SLC6A11: variants seen among roughly 807,000 people sequenced by gnomAD.
SLC6A11 encodes the protein solute carrier family 6 member 11.
SLC6A11 carries 25 observed loss-of-function variants against 74.8 expected under a neutral mutation model. The observed-to-expected ratio is 0.33, with a 90% CI of 0.24 to 0.47. The LOEUF is 0.47. Ranked by LOEUF, SLC6A11 falls within the 20% of genes least tolerant of loss-of-function variation. The pLI, the probability that SLC6A11 is intolerant of heterozygous loss-of-function variation, is 1.00. For synonymous variants in SLC6A11, 330 were observed against 330.2 expected, an observed-to-expected ratio of 1.00 and a Z score of 0.01; for missense variants, 574 against 837.0, an observed-to-expected ratio of 0.69 and a Z score of 3.88.
intron 4 of SLC6A11, among the ~76,000 whole-genome samples, chr3:10,831,863 G>A (rs931041189): frequency 6.6e-5 from 10 of 152,050 alleles, no homozygotes; most frequent in Admixed American, 2.6e-4. Context: ...CCTATAGGCC[G>A]GCAGAAATAT....
intron 9 of SLC6A11, among the ~76,000 whole-genome samples, chr3:10,928,472 C>T (rs372591061): frequency 4.0e-4 from 61 of 152,154 alleles, no homozygotes; most frequent in African/African-American, 1.3e-3. Flanking sequence ...AGGGGGTGGT[C>T]GGTATCTTAG....
At chr3:10,859,846 T>G (rs535164734) in intron 5 of SLC6A11, among the ~76,000 whole-genome samples, 1 of 152,326 alleles carries the variant, frequency 6.6e-6, no homozygotes, top group East Asian at 1.9e-4. Context: ...CACTTCCAAT[T>G]AATCTACTAT....
At chr3:10,922,373 TAATC>T (rs1464471121) in intron 8 of SLC6A11, among the ~76,000 whole-genome samples, 1 of 152,120 alleles carries the variant, frequency 6.6e-6, no homozygotes, top group Non-Finnish European at 1.5e-5. Flanking sequence ...CAATATAAAA[TAATC>T]AAGAAAATAG....
intron 6 of SLC6A11, among the ~76,000 whole-genome samples, chr3:10,875,398 C>T (rs1291298058): frequency 6.6e-6 from 1 of 152,184 alleles, no homozygotes; most frequent in Non-Finnish European, 1.5e-5. Flanking sequence ...GATTTTAAAG[C>T]AGCAATGAGC....
intron 6 of SLC6A11, among the ~76,000 whole-genome samples, chr3:10,881,584 G>A (rs549418199): frequency 6.6e-6 from 1 of 152,330 alleles, no homozygotes; most frequent in South Asian, 2.1e-4. Context: ...GTGGCTCTGT[G>A]AAGGGCCAGC....
chr3:10,850,345 T>C (rs7631448), intron 5 of SLC6A11, among the ~76,000 whole-genome samples: 100,742 of 152,164 alleles, frequency 0.66, 35,288 homozygotes, highest in African/African-American at 0.89. Context: ...GTTGCTCATT[T>C]GCTCGCTCAT....
intron 4 of SLC6A11, among the ~76,000 whole-genome samples, chr3:10,831,593 A>G (rs1181332386): frequency 6.6e-6 from 1 of 152,196 alleles, no homozygotes; most frequent in African/African-American, 2.4e-5. Context: ...ATTACCCAGG[A>G]GTGGGACTCG....
intron 8 of SLC6A11, among the ~76,000 whole-genome samples, chr3:10,921,866 A>T (rs28658050): frequency 0.1 from 15,953 of 152,250 alleles, 933 homozygotes; most frequent in South Asian, 0.17. Flanking sequence ...GTCAAAAAAT[A>T]TTAGCAGAGA....
intron 5 of SLC6A11, among the ~76,000 whole-genome samples, chr3:10,858,409 T>G (rs1322714536): frequency 1.3e-5 from 2 of 151,632 alleles, no homozygotes; most frequent in South Asian, 2.1e-4. Context: ...AGCAGGAGAG[T>G]TTTTTTGCTG....
At chr3:10,819,691 T>A in intron 2 of SLC6A11, 21 bp from the exon 3 acceptor site, 1 of 1,612,408 alleles carries the variant, frequency 6.2e-7, no homozygotes, top group Non-Finnish European at 8.5e-7. Flanking sequence ...TCAAATTCCT[T>A]CCTTTCTTTT....
chr3:10,886,378 T>G (rs960963854), intron 6 of SLC6A11, among the ~76,000 whole-genome samples: 1 of 152,150 alleles, frequency 6.6e-6, no homozygotes, highest in Admixed American at 6.5e-5. Flanking sequence ...CCTTGGGCAT[T>G]CCAGGATCAA....
At chr3:10,819,977 C>A in intron 3 of SLC6A11, 125 bp downstream of exon 3, 1 of 985,004 alleles carries the variant, frequency 1.0e-6, no homozygotes. Flanking sequence ...CTAGGGTAGT[C>A]TTGCTGAAAC....
chr3:10,887,555 C>T (rs1695060182), intron 6 of SLC6A11, among the ~76,000 whole-genome samples: 1 of 152,134 alleles, frequency 6.6e-6, no homozygotes, highest in Non-Finnish European at 1.5e-5. Flanking sequence ...AAGTGATTCT[C>T]CTGCCTCAGC....
At chr3:10,873,399 G>C (rs2655271) in intron 5 of SLC6A11, among the ~76,000 whole-genome samples, 56,437 of 90,448 alleles carry the variant, frequency 0.62, 15,648 homozygotes, top group Non-Finnish European at 0.66. Context: ...CCTATCCTAT[G>C]CTATCCTATC....
intron 6 of SLC6A11, among the ~76,000 whole-genome samples, chr3:10,881,592 A>G (rs1315004418): frequency 6.6e-6 from 1 of 152,230 alleles, no homozygotes; most frequent in Non-Finnish European, 1.5e-5. Context: ...GTGAAGGGCC[A>G]GCCTGCCATC....
intron 4 of SLC6A11, among the ~76,000 whole-genome samples, chr3:10,827,363 A>G (rs1197949653): frequency 6.6e-6 from 1 of 152,210 alleles, no homozygotes; most frequent in Non-Finnish European, 1.5e-5. Flanking sequence ...ACATTTTGCT[A>G]GGAATAAGTT....
chr3:10,832,421 C>A (rs994331402), intron 4 of SLC6A11, among the ~76,000 whole-genome samples: 2 of 151,802 alleles, frequency 1.3e-5, no homozygotes, highest in African/African-American at 4.8e-5. Flanking sequence ...ATGAGATTTG[C>A]CAATTCACCA....
At chr3:10,845,216 G>C (rs769486011) in intron 5 of SLC6A11, among the ~76,000 whole-genome samples, 1 of 152,090 alleles carries the variant, frequency 6.6e-6, no homozygotes, top group Admixed American at 6.5e-5. Context: ...GTAAGATTTG[G>C]CAACCCTGGA....
intron 6 of SLC6A11, among the ~76,000 whole-genome samples, chr3:10,880,358 T>C (rs1694960637): frequency 6.6e-6 from 1 of 152,208 alleles, no homozygotes; most frequent in Admixed American, 6.5e-5. Flanking sequence ...CGAAGAAAAG[T>C]TCCCAGATAG....
Sources: gnomAD v4.1 joint callset for allele counts (sites outside exome capture counted in the v4.1 genomes callset) on GRCh38, gnomAD v4.1.1 for gene constraint, MANE v1.5 for transcripts, NCBI Gene and HGNC (gene_info 2026-07-23, HGNC 2026-07-21) for gene names.